Variants in KANK2 observed in about 807,000 individuals in gnomAD.
The protein encoded by KANK2 is KN motif and ankyrin repeat domain-containing protein 2.
In KANK2, 41 loss-of-function variants were observed where a neutral mutation model predicts 74.6. That is an observed-to-expected ratio of 0.55 (90% CI 0.43 to 0.71). KANK2 has a LOEUF of 0.71. Ranked by LOEUF, KANK2 falls within the 30% of genes least tolerant of loss-of-function variation. KANK2 has a pLI of 0.00. For missense variants in KANK2, 1,148 were observed against 1,196.4 expected, an observed-to-expected ratio of 0.96 and a Z score of 0.60; for synonymous variants, 537 against 519.0, an observed-to-expected ratio of 1.03 and a Z score of -0.47.
rs1398697189 is a variant in KANK2 at position 11,178,337 on chromosome 19, C to T, written c.1520+8G>A. 6 of 1,501,464 alleles carry T rather than the reference C, an allele frequency of 4.0e-6. No homozygotes were observed. The highest frequency in any genetic ancestry group is 1.4e-5 in the South Asian group (1 of 73,142). 93.0% of individuals were successfully genotyped at this position (1,501,464 alleles called of 1,614,324 possible). On this transcript the variant is annotated splice_region_variant and intron_variant, in intron 6 of 12. Transcript: ENST00000586659. ...TATGGGGTGGGGGGTGGGGTCTTCT[C>T]CTCTCACCCGCCGTTGACCCCCACG...
In KANK2 at chr19:11,192,879, T is replaced by C; in HGVS notation, c.1201A>G (p.Met401Val). 1 of 1,606,788 alleles carries C rather than the reference T, an allele frequency of 6.2e-7. No homozygotes were observed. The highest frequency in any genetic ancestry group is 1.1e-5 in the South Asian group (1 of 91,022). ...VPAAATSNVHMVKKISITERS... is the reference protein window; with the variant it reads ...VPAAATSNVHVVKKISITERS... ...TCTGTGATGCTAATCTTCTTCACCATATGGACGTTGCTGGTAGCTGCAGCG... is the reference window on the plus strand; with the variant it reads ...TCTGTGATGCTAATCTTCTTCACCACATGGACGTTGCTGGTAGCTGCAGCG... The change falls in exon 4 of 13, where the codon ATG (methionine) becomes GTG (valine). Residue 401 changes from methionine to valine, a missense_variant. Physicochemically the swap from Met to Val is conservative, Grantham distance 21. Coordinates refer to ENST00000586659, the MANE Select transcript of KANK2 (RefSeq NM_001136191.3).
In KANK2 at chr19:11,175,926, G is replaced by A; in HGVS notation, c.1824C>T (p.Pro608=). 6.2e-7 allele frequency: 1 copy of A among 1,613,772 alleles called. No individual in the cohort carries two copies. Among genetic ancestry groups the A allele is most frequent in the Non-Finnish European group, 8.5e-7 (1 of 1,179,796 alleles). The part of the protein sequence containing the change: ...CLALEKYLDN[P]NALTERELKV... ...CCAGCTCCCGCTCTGTGAGGGCGTT[G>A]GGATTGTCCAGGTACTTTTCCAGGG... Residue 608 remains proline, a synonymous_variant, in exon 8 of 13, where the codon CCC becomes CCT. Coordinates refer to ENST00000586659, the MANE Select transcript of KANK2 (RefSeq NM_001136191.3).
In KANK2 at chr19:11,172,980, C is replaced by T. The variant is rs1325690058; in HGVS notation, c.2211+1G>A. 1.2e-6 allele frequency: 2 copies of T among 1,612,890 alleles called. No homozygotes were observed. The highest frequency in any genetic ancestry group is 1.7e-6 in the Non-Finnish European group (2 of 1,179,360). On this transcript the variant is annotated splice_donor_variant, in intron 10 of 12. Coordinates refer to ENST00000586659, the MANE Select transcript of KANK2 (RefSeq NM_001136191.3). LOFTEE classifies it high-confidence loss of function. The stretch of plus-strand genomic sequence containing the variant: ...ATCTGCAGCAGCCGGGGTCCCCATA[C>T]CTGGCTGGCTTTGGCATTGATGTTG...
chr19:11,168,362 C>T (rs2078082849), intron 12 of KANK2, among the ~76,000 whole-genome samples: 1 of 151,630 alleles, frequency 6.6e-6, no homozygotes. Flanking sequence ...GTGATGCAAC[C>T]ATGGCTCACT....
At chr19:11,178,283 G>A in intron 6 of KANK2, 62 bp downstream of exon 6, 2 of 1,192,482 alleles carry the variant, frequency 1.7e-6, no homozygotes, top group Non-Finnish European at 2.1e-6. Context: ...AGGCTCTCGT[G>A]CGTGGATGAA....
intron 8 of KANK2, among the ~76,000 whole-genome samples, chr19:11,175,683 G>A (rs551427282): frequency 6.6e-6 from 1 of 152,202 alleles, no homozygotes; most frequent in South Asian, 2.1e-4. Flanking sequence ...CCCAAGGCCA[G>A]GCTTGGCCAG....
upstream of KANK2, chr19:11,197,809 C>A (rs1449206665): frequency 6.6e-6 from 1 of 151,900 alleles, no homozygotes; most frequent in African/African-American, 2.4e-5. Context: ...TCCCCCCCAC[C>A]GCCTGCTGTC....
In KANK2 at chr19:11,195,669, A is replaced by G. The variant is rs1440229607; in HGVS notation, c.-127T>C. On this transcript the variant is annotated 5_prime_UTR_variant, in exon 2 of 13. Coordinates refer to ENST00000586659, the MANE Select transcript of KANK2 (RefSeq NM_001136191.3). Reference sequence around the variant, plus strand: ...GTCCTGTCTTGCTTTGTCTCTCTCCAAGTCTCTCTGTGTCTCTCCACGTCT... The same window carrying G: ...GTCCTGTCTTGCTTTGTCTCTCTCCGAGTCTCTCTGTGTCTCTCCACGTCT... 1.6e-5 allele frequency: 2 copies of G among 126,382 alleles called. No individual in the cohort carries two copies. Among genetic ancestry groups the G allele is most frequent in the Non-Finnish European group, 3.3e-5 (2 of 60,132 alleles). The allele number at this position is 126,382 out of a possible 1,614,324, so 7.8% of individuals were successfully genotyped here. A position where few individuals can be genotyped will look rare whatever the true frequency, so the allele number is the denominator to read the frequency against.
chr19:11,170,830 A>T lies in KANK2; in HGVS notation c.2212-582T>A, dbSNP rs1178377531. 6.6e-6 allele frequency among the ~76,000 whole-genome samples: 1 copy of T among 151,082 alleles called. No individual in the cohort carries two copies. The highest frequency in any genetic ancestry group is 1.5e-5 in the Non-Finnish European group (1 of 67,742). ...AATTGTTCCTTTAAAAGGGTTAATT[A>T]TTTTTTTTTGGAGATGGCGTCTCGC... On this transcript the variant is annotated intron_variant, in intron 10 of 12. Transcript: ENST00000586659. The surrounding 1 kb of genome is among the most constrained non-coding windows in gnomAD (Gnocchi z 5.2).
Position 11,192,792 on chromosome 19 carries a change from C to CA in KANK2, c.1249+38_1249+39insT, listed in dbSNP as rs368961143. 1.6e-5 allele frequency: 25 copies of CA among 1,578,630 alleles called. 1 individual carries two copies. The East Asian group carries it at 4.7e-4, about 29-fold the overall frequency. On this transcript the variant is annotated intron_variant, in intron 4 of 12. Transcript: ENST00000586659. ...CCATGGGAAGAAAGAGGCCCCCCCC[C>CA]CCCAAGCCATTCTCCCCTGCCTGCC...
chr19:11,170,267 A>G lies in KANK2; in HGVS notation c.2212-19T>C. The G allele has an allele frequency of 6.2e-7, 1 of 1,605,806 alleles. No homozygotes were observed. On this transcript the variant is annotated intron_variant, in intron 10 of 12. Transcript: ENST00000586659. This position sits in a 1 kb window ranked among gnomAD's most constrained non-coding sequence, Gnocchi z 5.2. ...GTCCTGCCTGGGGAGGGCAAGGAACAGGATTATGGTTCATGCAGGCCCCAG... is the reference window on the plus strand; with the variant it reads ...GTCCTGCCTGGGGAGGGCAAGGAACGGGATTATGGTTCATGCAGGCCCCAG...
rs1468849740 is a variant in KANK2 at position 11,193,260 on chromosome 19, G to A, written c.820C>T (p.Arg274Trp). The A allele has an allele frequency of 4.3e-6, 7 of 1,610,702 alleles. No individual in the cohort carries two copies. In the South Asian group the frequency reaches 4.4e-5, roughly 10 times the overall value. Residue 274 changes from arginine (R) to tryptophan (W), a missense_variant, in exon 4 of 13, where the codon CGG becomes TGG. Transcript: ENST00000586659. This position sits in a 1 kb window ranked among gnomAD's most constrained non-coding sequence, Gnocchi z 9.6. ...TRSVGTWVRE[R>W]DLGMPDGEAA... The stretch of plus-strand genomic sequence containing the variant: ...TCCCCATCAGGCATGCCCAAGTCCC[G>A]TTCTCGAACCCAGGTGCCCACACTC...
chr19:11,179,434 C>T (rs2078447151), intron 4 of KANK2, among the ~76,000 whole-genome samples: 1 of 151,506 alleles, frequency 6.6e-6, no homozygotes, highest in Admixed American at 6.6e-5. Flanking sequence ...GTCAGGAGTT[C>T]AAGACCAGCC....
intron 10 of KANK2, among the ~76,000 whole-genome samples, chr19:11,171,400 T>C (rs1727132564): frequency 6.6e-6 from 1 of 152,046 alleles, no homozygotes; most frequent in East Asian, 1.9e-4. Flanking sequence ...TCAGCTGTGA[T>C]TGCACCACTG....
chr19:11,183,861 A>G (rs7254114), intron 4 of KANK2, among the ~76,000 whole-genome samples: 1 of 151,602 alleles, frequency 6.6e-6, no homozygotes, highest in African/African-American at 2.4e-5. Flanking sequence ...CTATGTTGGC[A>G]AGGCTGGTCT....
In KANK2 at chr19:11,182,870, A is replaced by G. The variant is rs536053364; in HGVS notation, c.1250-4150T>C. On this transcript the variant is annotated intron_variant, in intron 4 of 12. Transcript: ENST00000586659. ...AAAAAAAAAAAAAAAAAAGTAAAAA[A>G]AATCAAACAAACTAGAGCAGAACCA... Among the ~76,000 whole-genome samples the G allele has an allele frequency of 8.6e-3, 1,271 of 147,556 alleles. 22 individuals are homozygous for G. The highest frequency in any genetic ancestry group is 0.03 in the African/African-American group (1,195 of 40,278).
At chr19:11,183,412 G>C (rs562044345) in intron 4 of KANK2, among the ~76,000 whole-genome samples, 2 of 152,324 alleles carry the variant, frequency 1.3e-5, no homozygotes, top group African/African-American at 2.4e-5. Flanking sequence ...GAAGAATTAA[G>C]ATGAAGGTAC....
chr19:11,178,976 C>T (rs916453968), intron 4 of KANK2, among the ~76,000 whole-genome samples: 67 of 152,164 alleles, frequency 4.4e-4, no homozygotes, highest in Non-Finnish European at 1.3e-4. Flanking sequence ...GGGACAGGGA[C>T]AACCCTGTGG....
At chr19:11,189,098 T>TCCCCCCCCCCCCC (rs71297565) in intron 4 of KANK2, among the ~76,000 whole-genome samples, 2 of 126,478 alleles carry the variant, frequency 1.6e-5, no homozygotes, top group Admixed American at 9.3e-5. Flanking sequence ...ATTGATTCTC[T>TCCCCCCCCCCCCC]CCCCCCCCAC....
Sources: gnomAD v4.1 joint callset for allele counts (sites outside exome capture counted in the v4.1 genomes callset) on GRCh38, gnomAD v4.1.1 for gene constraint, Gnocchi (gnomAD v3.1) non-coding constraint, MANE v1.5 for transcripts, NCBI Gene and HGNC (gene_info 2026-07-23, HGNC 2026-07-21) for gene names.